Variants in FAF1 observed in about 807,000 individuals in gnomAD.
FAF1 encodes FAS-associated factor 1.
Under a neutral mutation model 92.5 loss-of-function variants are expected in FAF1, and 25 were observed. That is an observed-to-expected ratio of 0.27 (90% CI 0.20 to 0.38). The LOEUF is 0.38. Ranked by LOEUF, FAF1 falls within the 10% of genes least tolerant of loss-of-function variation. The pLI is 1.00. For missense variants in FAF1, 636 were observed against 793.3 expected (o/e 0.80, Z 2.38); for synonymous variants, 234 against 273.2 (o/e 0.86, Z 1.42).
intron 13 of FAF1, among the ~76,000 whole-genome samples, chr1:50,550,754 T>C (rs557650073): frequency 6.6e-6 from 1 of 152,362 alleles, no homozygotes; most frequent in African/African-American, 2.4e-5. Flanking sequence ...ATCTGTCTTC[T>C]GCAAAACAAC....
chr1:50,503,704 T>C lies in FAF1; in HGVS notation c.1495-11903A>G, dbSNP rs143302334. ...ATGTGGTGGAATACTATTCAGCAAG[T>C]AAAAGGAATGAATTATTGATATATG... On this transcript the variant is annotated intron_variant, in intron 15 of 18. Coordinates refer to ENST00000396153, the MANE Select transcript of FAF1 (RefSeq NM_007051.3). Among the ~76,000 whole-genome samples the C allele has an allele frequency of 6.7e-5, 10 of 150,314 alleles. No individual in the cohort carries two copies. The East Asian group carries it at 2.0e-3, about 29-fold the overall frequency.
At chr1:50,956,214 A>G (rs1645265711) in intron 1 of FAF1, among the ~76,000 whole-genome samples, 1 of 152,130 alleles carries the variant, frequency 6.6e-6, no homozygotes, top group Non-Finnish European at 1.5e-5. Context: ...CTTAGAGGAC[A>G]ATTTGGGGTA....
At chr1:50,774,093 C>T (rs1000205549) in intron 4 of FAF1, among the ~76,000 whole-genome samples, 1 of 152,162 alleles carries the variant, frequency 6.6e-6, no homozygotes, top group African/African-American at 2.4e-5. Context: ...GGGGAGTACA[C>T]AATTGATGGC....
At chr1:50,898,183 G>C (rs1349128411) in intron 1 of FAF1, among the ~76,000 whole-genome samples, 2 of 152,198 alleles carry the variant, frequency 1.3e-5, no homozygotes, top group African/African-American at 4.8e-5. Context: ...GTGCATTCCT[G>C]TAGTCCCAGC....
At chr1:50,639,664 G>A (rs916231946) in intron 8 of FAF1, among the ~76,000 whole-genome samples, 26 of 151,850 alleles carry the variant, frequency 1.7e-4, no homozygotes, top group African/African-American at 4.6e-4. Flanking sequence ...GGCTGGGCGC[G>A]GTGGCTAACG....
At chr1:50,779,820 C>T (rs1661097162) in intron 4 of FAF1, among the ~76,000 whole-genome samples, 1 of 151,786 alleles carries the variant, frequency 6.6e-6, no homozygotes, top group Non-Finnish European at 1.5e-5. Context: ...CAGTGGTGCA[C>T]ACCTGTCATC....
intron 1 of FAF1, among the ~76,000 whole-genome samples, chr1:50,890,768 G>A (rs952602955): frequency 2.6e-5 from 4 of 152,074 alleles, no homozygotes; most frequent in Admixed American, 6.6e-5. Flanking sequence ...TTGGTAACTC[G>A]ACCTTTCTCT....
chr1:50,601,289 C>CGTTAA (rs1652114786), intron 8 of FAF1, among the ~76,000 whole-genome samples: 1 of 152,172 alleles, frequency 6.6e-6, no homozygotes, highest in African/African-American at 2.4e-5. Flanking sequence ...CTGGCTATGT[C>CGTTAA]TAACAAGTTG....
rs143324329 is a variant in FAF1, at chr1:50,733,346, A to G, written c.551+5517T>C. Among the ~76,000 whole-genome samples, 542 of 152,270 alleles carry G rather than the reference A, an allele frequency of 3.6e-3. 6 individuals carry two copies. Among genetic ancestry groups the G allele is most frequent in the African/African-American group, 0.013 (526 of 41,560 alleles). ...GTTCTCCATCTGTCTCCAATCTTCT[A>G]TTATTACACCTTTCCTACTGTCTCT... On this transcript the variant is annotated intron_variant, in intron 6 of 18. Transcript: ENST00000396153.
At chr1:50,889,215 T>G (rs867225208) in intron 1 of FAF1, among the ~76,000 whole-genome samples, 1 of 152,072 alleles carries the variant, frequency 6.6e-6, no homozygotes, top group East Asian at 1.9e-4. Context: ...GTGATATCCC[T>G]TTTATCATTT....
intron 6 of FAF1, among the ~76,000 whole-genome samples, chr1:50,712,722 A>G (rs1449484058): frequency 6.6e-6 from 1 of 152,138 alleles, no homozygotes; most frequent in Non-Finnish European, 1.5e-5. Context: ...AATGTTATCT[A>G]GGCAAACTGA....
At chr1:50,640,161 T>G (rs1235877867) in intron 8 of FAF1, among the ~76,000 whole-genome samples, 1 of 152,142 alleles carries the variant, frequency 6.6e-6, no homozygotes, top group Non-Finnish European at 1.5e-5. Context: ...CGGACCAATT[T>G]TGGTATAAAT....
chr1:50,897,260 C>G (rs1245297526), intron 1 of FAF1, among the ~76,000 whole-genome samples: 2 of 152,166 alleles, frequency 1.3e-5, no homozygotes, highest in East Asian at 3.9e-4. Context: ...ATCACTACCC[C>G]CTTATGAGGT....
chr1:50,567,246 A>C lies in FAF1; in HGVS notation c.1114-15T>G. The C allele has an allele frequency of 6.3e-7, 1 of 1,576,494 alleles. No homozygotes were observed. The highest frequency in any genetic ancestry group is 8.6e-7 in the Non-Finnish European group (1 of 1,160,130). On this transcript the variant is annotated splice_polypyrimidine_tract_variant and intron_variant, in intron 12 of 18. Coordinates refer to ENST00000396153, the MANE Select transcript of FAF1 (RefSeq NM_007051.3). ...AGAAGCTTTCTCTGAAAAGAGGAGA[A>C]AAATCTGATCAATTAAAATATCCAC...
intron 13 of FAF1, among the ~76,000 whole-genome samples, chr1:50,540,035 G>A (rs995823592): frequency 1.3e-5 from 2 of 151,846 alleles, no homozygotes; most frequent in Non-Finnish European, 2.9e-5. Context: ...GCAGTGTTGT[G>A]ATCTCGGCTC....
intron 6 of FAF1, among the ~76,000 whole-genome samples, chr1:50,710,507 A>G (rs568200983): frequency 6.6e-6 from 1 of 152,274 alleles, no homozygotes; most frequent in South Asian, 2.1e-4. Flanking sequence ...AGTGTCTAAC[A>G]TGTAAAAGAC....
intron 7 of FAF1, among the ~76,000 whole-genome samples, chr1:50,673,506 T>C (rs1472246749): frequency 1.3e-5 from 2 of 152,306 alleles, no homozygotes; most frequent in Non-Finnish European, 2.9e-5. Flanking sequence ...ATGGAACTTA[T>C]ATTCACTCTA....
intron 8 of FAF1, among the ~76,000 whole-genome samples, chr1:50,632,629 T>C (rs1366669428): frequency 6.6e-6 from 1 of 152,186 alleles, no homozygotes; most frequent in Non-Finnish European, 1.5e-5. Flanking sequence ...CAGATTCGCA[T>C]GGTTCAATTT....
intron 6 of FAF1, among the ~76,000 whole-genome samples, chr1:50,728,683 C>T (rs1476267037): frequency 2.7e-5 from 4 of 150,840 alleles, no homozygotes; most frequent in African/African-American, 4.9e-5. Flanking sequence ...CCCAGCTACT[C>T]GGGAGGCTGA....
Sources: allele counts gnomAD v4.1 joint callset (sites outside exome capture counted in the v4.1 genomes callset), GRCh38; gene constraint gnomAD v4.1.1; transcripts MANE v1.5; gene names NCBI Gene and HGNC (gene_info 2026-07-23, HGNC 2026-07-21).